Variants in CDK6 observed in about 807,000 individuals in gnomAD.
The protein encoded by CDK6 is cyclin dependent kinase 6.
A neutral mutation model predicts 37.1 loss-of-function variants in CDK6; 6 were observed. The observed-to-expected ratio is 0.16, with a 90% CI of 0.09 to 0.32. The LOEUF (loss-of-function observed/expected upper bound fraction) is 0.32. Among genes scored for constraint, CDK6 ranks in the 10% least tolerant of loss-of-function variants. CDK6 has a pLI of 1.00. For missense variants in CDK6, 224 were observed against 418.9 expected (o/e 0.53, Z 4.06); for synonymous variants, 160 against 161.3 (o/e 0.99, Z 0.06).
chr7:92,633,175 A>T (rs1256789732), intron 5 of CDK6, among the ~76,000 whole-genome samples: 2 of 152,142 alleles, frequency 1.3e-5, no homozygotes, highest in South Asian at 2.1e-4. Context: ...AGGGAGCAGG[A>T]GTAATCTTTT....
chr7:92,626,618 C>G (rs1454295583), intron 5 of CDK6, among the ~76,000 whole-genome samples: 17 of 151,892 alleles, frequency 1.1e-4, no homozygotes, highest in Admixed American at 1.1e-3. Context: ...GGATGGAAAC[C>G]AAGCCAAGGA....
At chr7:92,725,154 A>G (rs1477414180) in intron 4 of CDK6, 7 of 985,336 alleles carry the variant, frequency 7.1e-6, no homozygotes, top group Non-Finnish European at 8.4e-6. Flanking sequence ...GTTCACTGTG[A>G]ATTTGATTTC....
intron 5 of CDK6, among the ~76,000 whole-genome samples, chr7:92,625,490 T>C (rs1795905137): frequency 6.6e-6 from 1 of 151,504 alleles, no homozygotes; most frequent in Non-Finnish European, 1.5e-5. Context: ...TAAGGATTAA[T>C]TAATTCTGAA....
At position 92,755,271 on chromosome 7, in the gene CDK6, G is replaced by A. The variant is rs1211025951; in HGVS notation, c.369+19425C>T. ...CGCAGCTGTCTGTGTAGGGCTAATTGTATCCACTTGTTTAACCTCGGGGAA... is the reference window on the plus strand; with the variant it reads ...CGCAGCTGTCTGTGTAGGGCTAATTATATCCACTTGTTTAACCTCGGGGAA... On this transcript the variant is annotated intron_variant, in intron 3 of 7. Transcript: ENST00000424848. Among the ~76,000 whole-genome samples, 8 of 152,000 alleles carry A rather than the reference G, an allele frequency of 5.3e-5. No individual in the cohort carries two copies. The East Asian group carries it at 5.8e-4, about 11-fold the overall frequency.
intron 2 of CDK6, among the ~76,000 whole-genome samples, chr7:92,789,940 G>C (rs2115849752): frequency 6.6e-6 from 1 of 152,086 alleles, no homozygotes; most frequent in Middle Eastern, 3.4e-3. Flanking sequence ...AGATCTCCTG[G>C]ACCTATTCTC....
chr7:92,757,386 C>G (rs1799341648), intron 3 of CDK6, among the ~76,000 whole-genome samples: 1 of 152,178 alleles, frequency 6.6e-6, no homozygotes, highest in Admixed American at 6.5e-5. Context: ...CTCCCACTTA[C>G]AAGTGAGGAC....
intron 3 of CDK6, among the ~76,000 whole-genome samples, chr7:92,758,820 T>C (rs1047743600): frequency 4.6e-5 from 7 of 152,140 alleles, no homozygotes; most frequent in Non-Finnish European, 8.8e-5. Context: ...TTGAGCAGTG[T>C]TTTGTAATTT....
intron 5 of CDK6, among the ~76,000 whole-genome samples, chr7:92,670,841 C>T (rs979086281): frequency 7.2e-5 from 11 of 152,202 alleles, no homozygotes; most frequent in African/African-American, 9.6e-5. Context: ...ATTTCTACCC[C>T]TTTTAACAAA....
chr7:92,619,111 C>T (rs1375339543), intron 6 of CDK6, among the ~76,000 whole-genome samples: 8 of 152,072 alleles, frequency 5.3e-5, no homozygotes, highest in Admixed American at 4.6e-4. Context: ...GTACAAAGCA[C>T]AGCACCTGAT....
At chr7:92,641,577 A>G (rs1796306771) in intron 5 of CDK6, among the ~76,000 whole-genome samples, 1 of 152,220 alleles carries the variant, frequency 6.6e-6, no homozygotes, top group South Asian at 2.1e-4. Flanking sequence ...CTCTACAACA[A>G]CCATGTATAT....
At chr7:92,716,323 C>T (rs1200932027) in intron 4 of CDK6, among the ~76,000 whole-genome samples, 2 of 152,062 alleles carry the variant, frequency 1.3e-5, no homozygotes, top group East Asian at 1.9e-4. Context: ...TGGGTAGAAG[C>T]GATGGAAAGA....
chr7:92,692,080 C>A (rs1214138209), intron 4 of CDK6, among the ~76,000 whole-genome samples: 1 of 152,008 alleles, frequency 6.6e-6, no homozygotes, highest in Non-Finnish European at 1.5e-5. Context: ...CCAGCCTGAC[C>A]AACATGGGGA....
At chr7:92,656,195 G>C (rs994064393) in intron 5 of CDK6, among the ~76,000 whole-genome samples, 2 of 152,114 alleles carry the variant, frequency 1.3e-5, no homozygotes, top group Admixed American at 1.3e-4. Context: ...AAGAAGCTAG[G>C]TAATATCTTT....
Position 92,834,429 on chromosome 7 carries a change from C to T in CDK6, c.-367-739G>A, listed in dbSNP as rs1801588265. On this transcript the variant is annotated intron_variant, in intron 1 of 7. Coordinates refer to ENST00000424848, the MANE Select transcript of CDK6 (RefSeq NM_001145306.2). This position sits in a 1 kb window ranked among gnomAD's most constrained non-coding sequence, Gnocchi z 4.6. ...GCTGGGAGGACCTCCCTGGTGGAAA[C>T]CTTGGGAAGACCAGCCATCTGGTCG... Among the ~76,000 whole-genome samples, 1 of 151,286 alleles carries T rather than the reference C, an allele frequency of 6.6e-6. No homozygotes were observed. Among genetic ancestry groups the T allele is most frequent in the Non-Finnish European group, 1.5e-5 (1 of 67,796 alleles).
Position 92,610,882 on chromosome 7 carries a change from A to T in CDK6, c.*4258T>A, listed in dbSNP as rs994949700. 4.4e-6 allele frequency: 1 copy of T among 228,400 alleles called. No individual in the cohort carries two copies. The highest frequency in any genetic ancestry group is 8.7e-6 in the Non-Finnish European group (1 of 115,162). The allele number at this position is 228,400 out of a possible 1,614,324, so 14.1% of individuals were successfully genotyped here. A position where few individuals can be genotyped will look rare whatever the true frequency, so the allele number is the denominator to read the frequency against. ...ATGCCTTTTAAAAATTTATTTTTTC[A>T]ATGAACGTTCTTAGGCATGTGTAAG... On this transcript the variant is annotated 3_prime_UTR_variant, in exon 8 of 8. Coordinates refer to ENST00000424848, the MANE Select transcript of CDK6 (RefSeq NM_001145306.2).
At chr7:92,644,051 A>T (rs551771021) in intron 5 of CDK6, among the ~76,000 whole-genome samples, 2 of 152,354 alleles carry the variant, frequency 1.3e-5, no homozygotes, top group East Asian at 3.9e-4. Context: ...TGGAAGGCAA[A>T]AGCAGAGAAC....
intron 4 of CDK6, among the ~76,000 whole-genome samples, chr7:92,673,778 C>CA (rs1554401893): frequency 6.8e-6 from 1 of 146,700 alleles, no homozygotes; most frequent in Admixed American, 6.8e-5. Flanking sequence ...TTGTTCCTTC[C>CA]TTTTTTTTTT....
At chr7:92,831,007 A>G (rs898543608) in intron 2 of CDK6, among the ~76,000 whole-genome samples, 3 of 152,248 alleles carry the variant, frequency 2.0e-5, no homozygotes, top group Non-Finnish European at 2.9e-5. Flanking sequence ...AAGTACTTTC[A>G]AATTTACAAA....
intron 2 of CDK6, among the ~76,000 whole-genome samples, chr7:92,793,560 G>GAAATTGGAT (rs1800333078): frequency 6.6e-6 from 1 of 152,108 alleles, no homozygotes; most frequent in Non-Finnish European, 1.5e-5. Context: ...GCAAAAGAAT[G>GAAATTGGAT]AAATTGGATC....
Sources: allele counts gnomAD v4.1 joint callset (sites outside exome capture counted in the v4.1 genomes callset), GRCh38; gene constraint gnomAD v4.1.1; non-coding constraint Gnocchi (gnomAD v3.1); transcripts MANE v1.5; gene names NCBI Gene and HGNC (gene_info 2026-07-23, HGNC 2026-07-21).